CELSR1: variants seen among roughly 807,000 people sequenced by gnomAD.
The protein encoded by CELSR1 is adhesion G protein-coupled receptor C1.
A neutral mutation model predicts 249.1 loss-of-function variants in CELSR1; 110 were observed. That is an observed-to-expected ratio of 0.44 (90% confidence interval 0.38 to 0.52). The LOEUF (loss-of-function observed/expected upper bound fraction) is 0.52, where lower values mean the gene tolerates loss of function less well. CELSR1 is among the 20% of genes least tolerant of loss of function. The pLI, the probability that CELSR1 is intolerant of heterozygous loss-of-function variation, is 0.00. For synonymous variants in CELSR1, 2,113 were observed against 1,900.0 expected, an observed-to-expected ratio of 1.11 and a Z score of -2.92; for missense variants, 4,109 against 4,296.4, an observed-to-expected ratio of 0.96 and a Z score of 1.22.
chr22:46,513,275 G>A (rs957568372), intron 1 of CELSR1, among the ~76,000 whole-genome samples: 1 of 152,176 alleles, frequency 6.6e-6, no homozygotes, highest in South Asian at 2.1e-4. Context: ...AGGCAACACA[G>A]GGAAGAGTGT....
At chr22:46,492,413 T>C (rs1025832860) in intron 1 of CELSR1, among the ~76,000 whole-genome samples, 1 of 152,248 alleles carries the variant, frequency 6.6e-6, no homozygotes, top group Non-Finnish European at 1.5e-5. Flanking sequence ...TCTGGCCCAA[T>C]TTCAACCAGG....
chr22:46,470,001 A>AGGGGAAG (rs1268852616), intron 1 of CELSR1, among the ~76,000 whole-genome samples: 1 of 11,996 alleles, frequency 8.3e-5, no homozygotes, highest in Non-Finnish European at 1.7e-4. Flanking sequence ...GGAGGGAGGG[A>AGGGGAAG]GAGGCAAAGG....
Position 46,433,770 on chromosome 22 carries a change from C to T in CELSR1, c.4523-289G>A, listed in dbSNP as rs1039091672. 6.6e-6 allele frequency among the ~76,000 whole-genome samples: 1 copy of T among 152,080 alleles called. No homozygotes were observed. Among genetic ancestry groups the T allele is most frequent in the Admixed American group, 6.5e-5 (1 of 15,278 alleles). ...CGTGATCTCAGCTCACTGCCACCTC[C>T]GCCTCCTGGGTTCAAGAGATTCTCC... On this transcript the variant is annotated intron_variant, in intron 4 of 34. Coordinates refer to ENST00000674500, the MANE Select transcript of CELSR1 (RefSeq NM_001378328.1). This position sits in a 1 kb window ranked among gnomAD's most constrained non-coding sequence, Gnocchi z 5.7.
In CELSR1 at chr22:46,423,895, G is replaced by C. The variant is rs1238271686; in HGVS notation, c.4611+9498C>G. On this transcript the variant is annotated intron_variant, in intron 5 of 34. Transcript: ENST00000674500. The surrounding 1 kb of genome is among the most constrained non-coding windows in gnomAD (Gnocchi z 5.6). ...GAGGCTGAGGGCAGGAGAATGGCTTGAACTCAGGAGGCGGAGGTTGCAGTG... is the reference window on the plus strand; with the variant it reads ...GAGGCTGAGGGCAGGAGAATGGCTTCAACTCAGGAGGCGGAGGTTGCAGTG... Among the ~76,000 whole-genome samples, 1 of 152,078 alleles carries C rather than the reference G, an allele frequency of 6.6e-6. No homozygotes were observed. Among genetic ancestry groups the C allele is most frequent in the Non-Finnish European group, 1.5e-5 (1 of 68,028 alleles).
Position 46,363,830 on chromosome 22 carries a change from C to G in CELSR1, c.9035+166G>C. On this transcript the variant is annotated intron_variant, in intron 34 of 34. Transcript: ENST00000674500. The surrounding 1 kb of genome is among the most constrained non-coding windows in gnomAD (Gnocchi z 4.3). ...CCCATCTCCGGGGTATCCTCCTGAC[C>G]TCAGCTGCAGCGCCTCCCCCCTCCC... 1.3e-5 allele frequency: 12 copies of G among 916,764 alleles called. No individual in the cohort carries two copies. Among genetic ancestry groups the G allele is most frequent in the African/African-American group, 1.7e-5 (1 of 59,272 alleles). 56.8% of individuals were successfully genotyped at this position (916,764 alleles called of 1,614,324 possible). A position where few individuals can be genotyped will look rare whatever the true frequency, so the allele number is the denominator to read the frequency against.
At position 46,446,829 on chromosome 22, in the gene CELSR1, T is replaced by A. The variant is rs2079826690; in HGVS notation, c.4184-7418A>T. 6.6e-6 allele frequency among the ~76,000 whole-genome samples: 1 copy of A among 152,106 alleles called. No homozygotes were observed. Among genetic ancestry groups the A allele is most frequent in the East Asian group, 1.9e-4 (1 of 5,178 alleles). Reference sequence around the variant, plus strand: ...TAGTTAAAACATCTTTTCTTTTTTTTAATAAAGGACCATGAGAACCAAGAG... The same window carrying A: ...TAGTTAAAACATCTTTTCTTTTTTTAAATAAAGGACCATGAGAACCAAGAG... On this transcript the variant is annotated intron_variant, in intron 2 of 34. Coordinates refer to ENST00000674500, the MANE Select transcript of CELSR1 (RefSeq NM_001378328.1). This position sits in a 1 kb window ranked among gnomAD's most constrained non-coding sequence, Gnocchi z 5.5.
At chr22:46,485,969 G>A (rs1602201124) in intron 1 of CELSR1, among the ~76,000 whole-genome samples, 1 of 125,492 alleles carries the variant, frequency 8.0e-6, no homozygotes. Flanking sequence ...ACTGAGTCTC[G>A]CTTTGTCGCC....
rs1199434308 is a variant in CELSR1 at position 46,398,389 on chromosome 22, G to A, written c.5526+135C>T. 3 of 624,698 alleles carry A rather than the reference G, an allele frequency of 4.8e-6. No individual in the cohort carries two copies. Among genetic ancestry groups the A allele is most frequent in the Admixed American group, 3.1e-5 (1 of 32,096 alleles). The allele number at this position is 624,698 out of a possible 1,614,324, so 38.7% of individuals were successfully genotyped here. A position where few individuals can be genotyped will look rare whatever the true frequency, so the allele number is the denominator to read the frequency against. ...AAGAGGAAACAGGAGCTGTTAAAGT[G>A]GGGATGCCTGTCAGACAAATTCTTC... On this transcript the variant is annotated intron_variant, in intron 11 of 34. Transcript: ENST00000674500. The surrounding 1 kb of genome is among the most constrained non-coding windows in gnomAD (Gnocchi z 7.2).
chr22:46,444,256 T>C (rs1372431540), intron 2 of CELSR1, among the ~76,000 whole-genome samples: 1 of 152,192 alleles, frequency 6.6e-6, no homozygotes, highest in Non-Finnish European at 1.5e-5. Context: ...CAGGAAAAGG[T>C]GGCCAGCCCT....
At chr22:46,511,891 C>T (rs557719158) in intron 1 of CELSR1, among the ~76,000 whole-genome samples, 4 of 152,326 alleles carry the variant, frequency 2.6e-5, no homozygotes, top group Non-Finnish European at 4.4e-5. Flanking sequence ...AATGACCCGC[C>T]TCTCTGCTCA....
At position 46,391,652 on chromosome 22, in the gene CELSR1, G is replaced by T; in HGVS notation, c.6129C>A (p.Val2043=). The T allele has an allele frequency of 6.2e-7, 1 of 1,604,882 alleles. No homozygotes were observed. Among genetic ancestry groups the T allele is most frequent in the South Asian group, 1.1e-5 (1 of 90,354 alleles). ...CNRCDNPFAE[V]TTLGCEVIYN... is the part of the protein sequence containing the mutation. ...GCGGACCTTCACAGCCGAGCGTGGTGACCTCGGCAAACGGGTTGTCGCAGC... is the reference window on the plus strand; with the variant it reads ...GCGGACCTTCACAGCCGAGCGTGGTTACCTCGGCAAACGGGTTGTCGCAGC... The change falls in exon 15 of 35, where the codon GTC becomes GTA. Residue 2043 remains valine (V), a synonymous_variant. Coordinates refer to ENST00000674500, the MANE Select transcript of CELSR1 (RefSeq NM_001378328.1). The surrounding 1 kb of genome is among the most constrained non-coding windows in gnomAD (Gnocchi z 4.3).
chr22:46,383,230 A>G (rs1275944367), intron 20 of CELSR1, among the ~76,000 whole-genome samples: 1 of 150,856 alleles, frequency 6.6e-6, no homozygotes, highest in Non-Finnish European at 1.5e-5. Context: ...TTTTTAAGAC[A>G]CATGAGATAA....
chr22:46,420,805 C>T (rs1172158598), intron 5 of CELSR1, among the ~76,000 whole-genome samples: 1 of 152,186 alleles, frequency 6.6e-6, no homozygotes, highest in Non-Finnish European at 1.5e-5. Context: ...TCCCTCCTGG[C>T]CTGCATCCCA....
chr22:46,409,318 C>T lies in CELSR1; in HGVS notation c.5060-156G>A, dbSNP rs1275671647. Among the ~76,000 whole-genome samples the T allele has an allele frequency of 6.6e-6, 1 of 152,200 alleles. No homozygotes were observed. Among genetic ancestry groups the T allele is most frequent in the Admixed American group, 6.5e-5 (1 of 15,290 alleles). On this transcript the variant is annotated intron_variant, in intron 8 of 34. Coordinates refer to ENST00000674500, the MANE Select transcript of CELSR1 (RefSeq NM_001378328.1). This position sits in a 1 kb window ranked among gnomAD's most constrained non-coding sequence, Gnocchi z 9.8. Reference sequence around the variant, plus strand: ...AGCCTCCCCTCTGTGACGCATCCAGCCCTCACAGTCAGCCACGTGGGCTCC... The same window carrying T: ...AGCCTCCCCTCTGTGACGCATCCAGTCCTCACAGTCAGCCACGTGGGCTCC...
At chr22:46,392,898 G>T (rs551306669) in intron 14 of CELSR1, among the ~76,000 whole-genome samples, 1 of 152,112 alleles carries the variant, frequency 6.6e-6, no homozygotes, top group Non-Finnish European at 1.5e-5. Flanking sequence ...GCAAGTTTTC[G>T]CCAATGCACT....
At chr22:46,386,267 G>A in intron 19 of CELSR1, 135 bp downstream of exon 19, 1 of 1,002,264 alleles carries the variant, frequency 1.0e-6, no homozygotes. Flanking sequence ...ACTGTGCCCG[G>A]CCTCACAATC....
At chr22:46,477,313 C>T (rs1182266982) in intron 1 of CELSR1, among the ~76,000 whole-genome samples, 1 of 152,182 alleles carries the variant, frequency 6.6e-6, no homozygotes, top group Admixed American at 6.5e-5. Context: ...AGGGATCAAA[C>T]ACCTGGAGTT....
rs142368785 is a variant in CELSR1, at chr22:46,408,814, C to T, written c.5226+182G>A. On this transcript the variant is annotated intron_variant, in intron 9 of 34. Coordinates refer to ENST00000674500, the MANE Select transcript of CELSR1 (RefSeq NM_001378328.1). The surrounding 1 kb of genome is among the most constrained non-coding windows in gnomAD (Gnocchi z 4.6). ...CAGCCCCATGCTCCCTCGCTGTCTC[C>T]GCCTCCCAGAGGAAAGAAAGGGCTG... Among the ~76,000 whole-genome samples the T allele has an allele frequency of 3.0e-4, 45 of 152,300 alleles. No homozygotes were observed. Among genetic ancestry groups the T allele is most frequent in the Admixed American group, 1.6e-3 (25 of 15,304 alleles).
At position 46,430,355 on chromosome 22, in the gene CELSR1, G is replaced by A. The variant is rs558523535; in HGVS notation, c.4611+3038C>T. Among the ~76,000 whole-genome samples, 5 of 152,262 alleles carry A rather than the reference G, an allele frequency of 3.3e-5. No homozygotes were observed. The highest frequency in any genetic ancestry group is 6.5e-5 in the Admixed American group (1 of 15,298). On this transcript the variant is annotated intron_variant, in intron 5 of 34. Coordinates refer to ENST00000674500, the MANE Select transcript of CELSR1 (RefSeq NM_001378328.1). This position sits in a 1 kb window ranked among gnomAD's most constrained non-coding sequence, Gnocchi z 4.6. ...AGGTGGTGTGGCAGGTAAATGGAGC[G>A]TGCTGGGGCAAGGACACAGCTGGGC... is the stretch of plus-strand genomic sequence containing the variant.
Sources: gnomAD v4.1 joint callset for allele counts (sites outside exome capture counted in the v4.1 genomes callset) on GRCh38, gnomAD v4.1.1 for gene constraint, Gnocchi (gnomAD v3.1) non-coding constraint, MANE v1.5 for transcripts, NCBI Gene and HGNC (gene_info 2026-07-23, HGNC 2026-07-21) for gene names.